The following RAD54L variants were observed in gnomAD, a reference collection of about 807,000 sequenced individuals.
The protein encoded by RAD54L is DNA repair and recombination protein RAD54-like.
In RAD54L, 74 loss-of-function variants were observed where a neutral mutation model predicts 91.6. The ratio of observed to expected loss-of-function variants is 0.81; its 90% CI spans 0.67 to 0.98. The LOEUF (loss-of-function observed/expected upper bound fraction) is 0.98, where lower values mean the gene tolerates loss of function less well. Among genes scored for constraint, RAD54L ranks in the 50% least tolerant of loss-of-function variants. The pLI is 0.00. For missense variants in RAD54L, 887 were observed against 945.7 expected (o/e 0.94, Z 0.81); for synonymous variants, 304 against 349.7 (o/e 0.87, Z 1.46).
At chr1:46,258,015 G>A (rs1281449388) in intron 3 of RAD54L, among the ~76,000 whole-genome samples, 1 of 152,036 alleles carries the variant, frequency 6.6e-6, no homozygotes, top group African/African-American at 2.4e-5. Flanking sequence ...TACATTGGTA[G>A]CCATCATTAT....
chr1:46,272,829 C>T (rs1423337958), intron 12 of RAD54L, 27 bp downstream of exon 12: 5 of 1,613,768 alleles, frequency 3.1e-6, no homozygotes, highest in Non-Finnish European at 3.4e-6. Flanking sequence ...TCCTGGTGTC[C>T]TCTGTGAGAG....
At chr1:46,253,613 A>G (rs375215159) in intron 3 of RAD54L, among the ~76,000 whole-genome samples, 3 of 145,046 alleles carry the variant, frequency 2.1e-5, no homozygotes, top group Admixed American at 6.9e-5. Flanking sequence ...GACTCTGTCT[A>G]AAAAAAAAAA....
At position 46,248,281 on chromosome 1, in the gene RAD54L, G is replaced by A. The variant is rs1401747836; in HGVS notation, c.-125G>A. 1.6e-6 allele frequency: 2 copies of A among 1,249,160 alleles called. No homozygotes were observed. Among genetic ancestry groups the A allele is most frequent in the African/African-American group, 1.5e-5 (1 of 67,862 alleles). The allele number at this position is 1,249,160 out of a possible 1,614,324, so 77.4% of individuals were successfully genotyped here. A position where few individuals can be genotyped will look rare whatever the true frequency, so the allele number is the denominator to read the frequency against. ...GCCATCCATGCCCCCTCTTTAATTA[G>A]CCGGTCCTCTCAATAATGTAGCAGC... On this transcript the variant is annotated 5_prime_UTR_variant, in exon 1 of 18. It removes the in-frame stop codon of an upstream open reading frame in the 5' UTR. Transcript: ENST00000371975.
At chr1:46,252,014 T>C (rs1035649189) in intron 3 of RAD54L, among the ~76,000 whole-genome samples, 4 of 152,232 alleles carry the variant, frequency 2.6e-5, no homozygotes, top group Admixed American at 2.6e-4. Context: ...TAAGTGCAGT[T>C]GTGGGAGTGC....
At position 46,248,308 on chromosome 1, in the gene RAD54L, C is replaced by G. The variant is rs1209996427; in HGVS notation, c.-98C>G. On this transcript the variant is annotated 5_prime_UTR_variant, in exon 1 of 18. Transcript: ENST00000371975. ...CGGTCCTCTCAATAATGTAGCAGCC[C>G]CCTCTACAGATTAGACCCTGGTCCT... The G allele has an allele frequency of 1.4e-6, 2 of 1,433,360 alleles. No homozygotes were observed. The highest frequency in any genetic ancestry group is 2.0e-6 in the Non-Finnish European group (2 of 1,025,566). The allele number at this position is 1,433,360 out of a possible 1,614,324, so 88.8% of individuals were successfully genotyped here.
In RAD54L at chr1:46,248,392, C is replaced by T. The variant is rs1391099391; in HGVS notation, c.-14C>T. ...GCTCATGGGTACTTGACGTTTTAAACTCCTAGGCCCAGGATGGTAAGTGTG... is the reference window on the plus strand; with the variant it reads ...GCTCATGGGTACTTGACGTTTTAAATTCCTAGGCCCAGGATGGTAAGTGTG... On this transcript the variant is annotated 5_prime_UTR_variant, in exon 1 of 18. Coordinates refer to ENST00000371975, the MANE Select transcript of RAD54L (RefSeq NM_003579.4). The T allele has an allele frequency of 6.2e-7, 1 of 1,613,826 alleles. No homozygotes were observed.
At chr1:46,277,367 A>G (rs1277233280) in intron 16 of RAD54L, 1 of 231,216 alleles carries the variant, frequency 4.3e-6, no homozygotes, top group Non-Finnish European at 8.6e-6. Flanking sequence ...GATTTCTATC[A>G]TTGTATCAAC....
chr1:46,276,786 GCATGGCAT>G (rs901658454), intron 16 of RAD54L, among the ~76,000 whole-genome samples: 2 of 152,162 alleles, frequency 1.3e-5, no homozygotes, highest in African/African-American at 4.8e-5. Flanking sequence ...AAGGCCTTCA[GCATGGCAT>G]CCAAGGTTTG....
At chr1:46,256,076 A>G (rs1254833345) in intron 3 of RAD54L, among the ~76,000 whole-genome samples, 1 of 151,822 alleles carries the variant, frequency 6.6e-6, no homozygotes, top group Non-Finnish European at 1.5e-5. Context: ...ATTTGACTTA[A>G]GAGTAGCTTT....
chr1:46,266,808 A>G (rs976048375), intron 8 of RAD54L, among the ~76,000 whole-genome samples: 2 of 152,212 alleles, frequency 1.3e-5, no homozygotes, highest in Admixed American at 6.5e-5. Context: ...ATATGTCCAC[A>G]TGATCTCTGA....
At chr1:46,267,711 G>T (rs1660306288) in intron 9 of RAD54L, 102 bp downstream of exon 9, 1 of 1,430,988 alleles carries the variant, frequency 7.0e-7, no homozygotes. Context: ...CTAGTTATAT[G>T]TGGGTCACTA....
chr1:46,248,677 C>T (rs921130862), intron 2 of RAD54L, 79 bp downstream of exon 2: 16 of 1,292,534 alleles, frequency 1.2e-5, no homozygotes, highest in Admixed American at 1.9e-5. Context: ...TCTAGGGTTA[C>T]ATAGCCAATT....
Position 46,261,246 on chromosome 1 carries a change from C to T in RAD54L, c.767-15C>T, listed in dbSNP as rs780613488. 1 of 1,598,466 alleles carries T rather than the reference C, an allele frequency of 6.3e-7. No homozygotes were observed. Among genetic ancestry groups the T allele is most frequent in the Non-Finnish European group, 8.6e-7 (1 of 1,168,902 alleles). On this transcript the variant is annotated splice_polypyrimidine_tract_variant and intron_variant, in intron 7 of 17. Transcript: ENST00000371975. ...AAGATTCTGAATTGTTCCCTTTACA[C>T]CTTTTCTGTTGTAGAAGGATTCATG...
intron 10 of RAD54L, 90 bp downstream of exon 10, chr1:46,270,875 G>A (rs1264630191): frequency 2.1e-5 from 33 of 1,567,942 alleles, no homozygotes; most frequent in Non-Finnish European, 2.8e-5. Context: ...AGCCCTCAAA[G>A]GCTGGGATTC....
intron 2 of RAD54L, among the ~76,000 whole-genome samples, chr1:46,248,966 C>G (rs1659729207): frequency 6.6e-6 from 1 of 152,176 alleles, no homozygotes. Flanking sequence ...CTGGGCCTAC[C>G]TTGGAGTCCT....
rs1203471287 is a variant in RAD54L, at chr1:46,250,486, T to C, written c.210+367T>C. ...TTAATCACCACCATGGCAGGTTCTG[T>C]GCATTGCCTCATGTAATTCTCACGT... On this transcript the variant is annotated intron_variant, in intron 3 of 17. Transcript: ENST00000371975. Among the ~76,000 whole-genome samples, 4 of 152,194 alleles carry C rather than the reference T, an allele frequency of 2.6e-5. No homozygotes were observed. In the East Asian group the frequency reaches 7.7e-4, roughly 29 times the overall value.
Position 46,269,268 on chromosome 1 carries a change from A to G in RAD54L, c.1043-1391A>G, listed in dbSNP as rs7548164. 7.3e-3 allele frequency among the ~76,000 whole-genome samples: 1,091 copies of G among 150,138 alleles called. 17 individuals carry two copies. The highest frequency in any genetic ancestry group is 0.035 in the Middle Eastern group (10 of 286). ...TCTCTGCTTTATTTACTGTGGCCTA[A>G]TAAGTCTTGATATCCATTAGTGTGA... On this transcript the variant is annotated intron_variant, in intron 9 of 17. Coordinates refer to ENST00000371975, the MANE Select transcript of RAD54L (RefSeq NM_003579.4).
In RAD54L at chr1:46,261,078, T is replaced by C. The variant is rs1660104512; in HGVS notation, c.766+63T>C. 1.9e-6 allele frequency: 3 copies of C among 1,582,192 alleles called. No homozygotes were observed. In the East Asian group the frequency reaches 6.9e-5, roughly 36 times the overall value. On this transcript the variant is annotated intron_variant, in intron 7 of 17. Transcript: ENST00000371975. ...ACAGCCTGCTGCTTTCTTACGTGTA[T>C]GCTCATTTATGGCCAGGGTGGAGGG... is the stretch of plus-strand genomic sequence containing the variant.
chr1:46,268,103 C>CCTCTA (rs1331341369), intron 9 of RAD54L, among the ~76,000 whole-genome samples: 3 of 152,000 alleles, frequency 2.0e-5, no homozygotes, highest in Admixed American at 2.0e-4. Context: ...CCCAATAACT[C>CCTCTA]CTCTACCCTC....
Sources: gnomAD v4.1 joint callset for allele counts (sites outside exome capture counted in the v4.1 genomes callset) on GRCh38, gnomAD v4.1.1 for gene constraint, MANE v1.5 for transcripts, NCBI Gene and HGNC (gene_info 2026-07-23, HGNC 2026-07-21) for gene names.